The following DHX57 variants were observed in gnomAD, a reference collection of about 807,000 sequenced individuals.
The protein encoded by DHX57 is DExH-box helicase 57.
In DHX57, 105 loss-of-function variants were observed where a neutral mutation model predicts 156.2. The ratio of observed to expected loss-of-function variants is 0.67; its 90% CI spans 0.57 to 0.79. The LOEUF is 0.79. DHX57 is among the 30% of genes least tolerant of loss of function. DHX57 has a pLI of 0.00. For synonymous variants in DHX57, 704 were observed against 595.6 expected, an observed-to-expected ratio of 1.18 and a Z score of -2.65; for missense variants, 1,847 against 1,661.9, an observed-to-expected ratio of 1.11 and a Z score of -1.94.
chr2:38,843,411 G>C (rs1672112978), intron 11 of DHX57, among the ~76,000 whole-genome samples: 1 of 152,202 alleles, frequency 6.6e-6, no homozygotes, highest in African/African-American at 2.4e-5. Flanking sequence ...CTGTCTCGGA[G>C]ACCAGCTAAG....
rs1165096764 is a variant in DHX57, at chr2:38,836,728, C to T, written c.2542+1103G>A. Among the ~76,000 whole-genome samples the T allele has an allele frequency of 3.6e-5, 5 of 139,500 alleles. No individual in the cohort carries two copies. In the South Asian group the frequency reaches 1.1e-3, roughly 31 times the overall value. The allele number at this position is 139,500 out of a possible 152,430, so 91.5% of individuals were successfully genotyped here. On this transcript the variant is annotated intron_variant, in intron 13 of 23. Transcript: ENST00000457308. ...GGAAGAGGTTACAGTGAGCTGACATCATGCCACTGCACACTCCAGCCTGGG... is the reference window on the plus strand; with the variant it reads ...GGAAGAGGTTACAGTGAGCTGACATTATGCCACTGCACACTCCAGCCTGGG...
Position 38,843,056 on chromosome 2 carries a change from C to T in DHX57, c.2374G>A (p.Ala792Thr). ...HLQDQDSVKD[A>T]VPDQQLDFKQ... ...AAATCTAACTGTTGATCTGGCACTGCATCTTTGACAGAATCCTGATCCTGG... is the reference window on the plus strand; with the variant it reads ...AAATCTAACTGTTGATCTGGCACTGTATCTTTGACAGAATCCTGATCCTGG... Residue 792 changes from alanine (A) to threonine (T), a missense_variant, in exon 12 of 24, where the codon GCA becomes ACA. Physicochemically the swap from Ala to Thr is moderately conservative, Grantham distance 58 (BLOSUM62 0). Coordinates refer to ENST00000457308, the MANE Select transcript of DHX57 (RefSeq NM_198963.3). 6.2e-7 allele frequency: 1 copy of T among 1,614,204 alleles called. No individual in the cohort carries two copies. The highest frequency in any genetic ancestry group is 8.5e-7 in the Non-Finnish European group (1 of 1,180,014).
At chr2:38,815,995 T>C (rs1430378858) in intron 19 of DHX57, 3 of 398,440 alleles carry the variant, frequency 7.5e-6, no homozygotes, top group South Asian at 4.2e-5. Context: ...CAAAAAATGC[T>C]GTTTGTTTTG....
rs541179301 is a variant in DHX57, at chr2:38,802,930, C to A, written c.3817-15G>T. On this transcript the variant is annotated splice_polypyrimidine_tract_variant and intron_variant, in intron 22 of 23. Transcript: ENST00000457308. The stretch of plus-strand genomic sequence containing the variant: ...AAGTGTCTCACCTGTAACAAAAAAC[C>A]TCAGATGATGACAGTGATGTCACTG... 5 of 1,613,922 alleles carry A rather than the reference C, an allele frequency of 3.1e-6. No individual in the cohort carries two copies. The South Asian group carries it at 4.4e-5, about 14-fold the overall frequency.
intron 13 of DHX57, among the ~76,000 whole-genome samples, chr2:38,836,310 G>A (rs1671654495): frequency 1.3e-5 from 2 of 152,102 alleles, no homozygotes; most frequent in Non-Finnish European, 2.9e-5. Context: ...ACCCGAGACA[G>A]CAAGAGGAAT....
chr2:38,842,922 A>G (rs1672085676), intron 12 of DHX57, 83 bp downstream of exon 12: 4 of 1,446,458 alleles, frequency 2.8e-6, no homozygotes, highest in South Asian at 2.4e-5. Context: ...CAAGAATCAT[A>G]TTTTTCTTCT....
chr2:38,861,532 C>G lies in DHX57; in HGVS notation c.878G>C (p.Ser293Thr). The change falls in exon 5 of 24, where the codon AGT becomes ACT. Residue 293 changes from serine (S) to threonine (T), a missense_variant. By Grantham distance (58) the Ser-to-Thr change is moderately conservative. Transcript: ENST00000457308. ...TGAATTCTCTTGTACATTTTTGGTACTTTCTTTTGGCTTGGATTTGCGGAA... is the reference window on the plus strand; with the variant it reads ...TGAATTCTCTTGTACATTTTTGGTAGTTTCTTTTGGCTTGGATTTGCGGAA... ...SRFRKSKPKE[S>T]TKNVQENSLE... 1 of 1,614,084 alleles carries G rather than the reference C, an allele frequency of 6.2e-7. No homozygotes were observed. Among genetic ancestry groups the G allele is most frequent in the Non-Finnish European group, 8.5e-7 (1 of 1,180,002 alleles).
At chr2:38,806,778 G>A (rs1353178075) in intron 21 of DHX57, 85 bp from the exon 22 acceptor site, 1 of 1,258,188 alleles carries the variant, frequency 7.9e-7, no homozygotes, top group Non-Finnish European at 1.1e-6. Context: ...CACAAAACCA[G>A]TCTTGCTCAG....
chr2:38,868,244 G>A lies in DHX57; in HGVS notation c.162C>T (p.Ser54=). 3 of 1,613,988 alleles carry A rather than the reference G, an allele frequency of 1.9e-6. No individual in the cohort carries two copies. Among genetic ancestry groups the A allele is most frequent in the Non-Finnish European group, 2.5e-6 (3 of 1,180,006 alleles). Residue 54 remains serine (S), a synonymous_variant, in exon 2 of 24, where the codon TCC becomes TCT. Coordinates refer to ENST00000457308, the MANE Select transcript of DHX57 (RefSeq NM_198963.3). ...GGGGGGNRKA[S]SRIWDDGDDF... ...CATCTCCATCATCCCATATTCTACTGGAGGCCTTTCTGTTGCCGCCACCTC... is the reference window on the plus strand; with the variant it reads ...CATCTCCATCATCCCATATTCTACTAGAGGCCTTTCTGTTGCCGCCACCTC...
intron 9 of DHX57, among the ~76,000 whole-genome samples, chr2:38,851,481 C>G (rs995116880): frequency 6.6e-6 from 1 of 152,130 alleles, no homozygotes; most frequent in African/African-American, 2.4e-5. Context: ...AAATATTCCC[C>G]TACTTTTCCT....
intron 22 of DHX57, among the ~76,000 whole-genome samples, chr2:38,804,844 T>G (rs924191791): frequency 3.3e-5 from 5 of 152,216 alleles, no homozygotes; most frequent in African/African-American, 1.2e-4. Flanking sequence ...CCGGAGTTCT[T>G]CCCTGACCAC....
intron 6 of DHX57, 124 bp downstream of exon 6, chr2:38,858,537 T>C (rs1385428463): frequency 1.5e-6 from 2 of 1,324,012 alleles, no homozygotes; most frequent in Non-Finnish European, 2.0e-6. Context: ...GTAGAAACTT[T>C]GACCACTCAG....
intron 1 of DHX57, among the ~76,000 whole-genome samples, chr2:38,870,088 C>T (rs1298165964): frequency 6.6e-6 from 1 of 152,018 alleles, no homozygotes; most frequent in Non-Finnish European, 1.5e-5. Flanking sequence ...ACTAGAGAAG[C>T]TCAACCATAA....
chr2:38,823,154 C>G lies in DHX57; in HGVS notation c.3130G>C (p.Gly1044Arg), dbSNP rs746432217. ...AATCTTTCATCTGGAGTTAATGCTCCTAAGTCTCGTAATCGTATTTTTGAG... is the reference window on the plus strand; with the variant it reads ...AATCTTTCATCTGGAGTTAATGCTCGTAAGTCTCGTAATCGTATTTTTGAG... Reference protein sequence around the residue: ...RASKIRLRDLGALTPDERLTP... With the variant: ...RASKIRLRDLRALTPDERLTP... Residue 1044 changes from glycine to arginine, a missense_variant, in exon 17 of 24, where the codon GGA becomes CGA. Gly to Arg is a moderately radical substitution (Grantham distance 125, BLOSUM62 -2). Transcript: ENST00000457308. 10 of 1,614,138 alleles carry G rather than the reference C, an allele frequency of 6.2e-6. No homozygotes were observed. Among genetic ancestry groups the G allele is most frequent in the Non-Finnish European group, 8.5e-6 (10 of 1,180,046 alleles).
chr2:38,873,530 A>G (rs551514939), intron 1 of DHX57, among the ~76,000 whole-genome samples: 4 of 152,172 alleles, frequency 2.6e-5, no homozygotes, highest in Non-Finnish European at 5.9e-5. Flanking sequence ...AAACAAGACT[A>G]TGTCTATTTT....
intron 9 of DHX57, 120 bp from the exon 10 acceptor site, chr2:38,848,522 A>T: frequency 9.6e-7 from 1 of 1,039,090 alleles, no homozygotes; most frequent in Non-Finnish European, 1.4e-6. Flanking sequence ...AAAACCATTA[A>T]CGTTCATAGA....
At chr2:38,851,450 C>CT (rs1213670219) in intron 9 of DHX57, among the ~76,000 whole-genome samples, 2 of 152,030 alleles carry the variant, frequency 1.3e-5, no homozygotes, top group Non-Finnish European at 2.9e-5. Flanking sequence ...TTAGTTTTTG[C>CT]TTTTTTCAGT....
At chr2:38,810,076 G>T (rs1374943135) in intron 21 of DHX57, among the ~76,000 whole-genome samples, 1 of 151,774 alleles carries the variant, frequency 6.6e-6, no homozygotes, top group Admixed American at 6.6e-5. Flanking sequence ...GTATTTTTTA[G>T]TAGAGATGGG....
At chr2:38,856,675 A>G in intron 6 of DHX57, 3 of 417,452 alleles carry the variant, frequency 7.2e-6, no homozygotes, top group East Asian at 5.3e-5. Flanking sequence ...GGCTTTTTGT[A>G]TTTTTTTGTA....
Sources: gnomAD v4.1 joint callset for allele counts (sites outside exome capture counted in the v4.1 genomes callset) on GRCh38, gnomAD v4.1.1 for gene constraint, MANE v1.5 for transcripts, NCBI Gene and HGNC (gene_info 2026-07-23, HGNC 2026-07-21) for gene names.